PCDHA7: variants seen among roughly 807,000 people sequenced by gnomAD.
The protein encoded by PCDHA7 is protocadherin alpha 7.
In PCDHA7, 37 loss-of-function variants were observed where a neutral mutation model predicts 57.2. The observed-to-expected ratio is 0.65, with a 90% CI of 0.50 to 0.85. The LOEUF (loss-of-function observed/expected upper bound fraction) is 0.85. PCDHA7 is among the 40% of genes least tolerant of loss of function. The pLI is 0.00. For missense variants in PCDHA7, 1,188 were observed against 1,241.8 expected (o/e 0.96, Z 0.65); for synonymous variants, 553 against 558.8 (o/e 0.99, Z 0.15).
chr5:140,983,308 T>C (rs2153831139), intron 3 of PCDHA7, among the ~76,000 whole-genome samples: 1 of 152,322 alleles, frequency 6.6e-6, no homozygotes, highest in East Asian at 1.9e-4. Context: ...CACATTTGCT[T>C]GGTATCCTTA....
intron 1 of PCDHA7, chr5:140,855,836 AC>A (rs1444767908): frequency 1.7e-6 from 1 of 600,200 alleles, no homozygotes; most frequent in Non-Finnish European, 2.9e-6. Flanking sequence ...AATCGTACTT[AC>A]ACCTAAAGCC....
At chr5:140,903,470 C>T (rs1425928113) in intron 1 of PCDHA7, among the ~76,000 whole-genome samples, 2 of 152,140 alleles carry the variant, frequency 1.3e-5, no homozygotes, top group Non-Finnish European at 2.9e-5. Context: ...AATATTATTC[C>T]TTGCATTATA....
At chr5:140,845,675 A>G (rs2150380480) in intron 1 of PCDHA7, among the ~76,000 whole-genome samples, 6 of 149,762 alleles carry the variant, frequency 4.0e-5, no homozygotes, top group African/African-American at 7.3e-5. Context: ...AGCCATTGGT[A>G]AAGGATTTGT....
chr5:140,946,629 T>TATATATATATATATATATATAC (rs1367833800), intron 1 of PCDHA7, among the ~76,000 whole-genome samples: 1 of 123,274 alleles, frequency 8.1e-6, no homozygotes, highest in African/African-American at 3.0e-5. Context: ...TATATATATA[T>TATATATATATATATATATATAC]ATACAATGGA....
At position 140,834,553 on chromosome 5, in the gene PCDHA7, C is replaced by T. The variant is rs2150220861; in HGVS notation, c.170C>T (p.Ala57Val). 1.2e-5 allele frequency: 19 copies of T among 1,614,022 alleles called. No individual in the cohort carries two copies. Among genetic ancestry groups the T allele is most frequent in the Non-Finnish European group, 1.6e-5 (19 of 1,180,018 alleles). The change falls in exon 1 of 4, where the codon GCG becomes GTG. Residue 57 changes from alanine to valine, a missense_variant. Physicochemically the swap from Ala to Val is moderately conservative, Grantham distance 64. Transcript: ENST00000525929. ...GCGCAGGACCTGGGGCTGGAGCTGG[C>T]GGAGCTGGTGCCGCGCCTGTTCCGG... ...RIAQDLGLEL[A>V]ELVPRLFRAV...
chr5:140,869,555 G>A, intron 1 of PCDHA7: 1 of 1,614,172 alleles, frequency 6.2e-7, no homozygotes, highest in Non-Finnish European at 8.5e-7. Flanking sequence ...TCGGACTCGC[G>A]TTTTCCACTA....
intron 3 of PCDHA7, among the ~76,000 whole-genome samples, chr5:141,004,848 CAG>C (rs1554259777): frequency 6.6e-6 from 1 of 152,190 alleles, no homozygotes; most frequent in Non-Finnish European, 1.5e-5. Context: ...TCATTAGTCT[CAG>C]AGAAAAAATT....
At chr5:140,996,226 G>C (rs2097717630) in intron 3 of PCDHA7, among the ~76,000 whole-genome samples, 1 of 152,196 alleles carries the variant, frequency 6.6e-6, no homozygotes, top group South Asian at 2.1e-4. Context: ...GTCTAGAAAT[G>C]GTTGCTCAAG....
chr5:140,870,237 A>C, intron 1 of PCDHA7: 1 of 1,614,180 alleles, frequency 6.2e-7, no homozygotes, highest in South Asian at 1.1e-5. Flanking sequence ...ACCGTGACTC[A>C]GGTGTCAACG....
intron 1 of PCDHA7, chr5:140,857,589 G>T (rs1554150286): frequency 6.3e-7 from 1 of 1,596,564 alleles, no homozygotes; most frequent in Non-Finnish European, 8.6e-7. Flanking sequence ...GCGGAGAGCG[G>T]CAAGGTGTAC....
chr5:140,909,164 A>T (rs2074347084), intron 1 of PCDHA7, among the ~76,000 whole-genome samples: 1 of 152,238 alleles, frequency 6.6e-6, no homozygotes, highest in South Asian at 2.1e-4. Context: ...AGGGAAAATC[A>T]ATCAAGTTCT....
chr5:140,854,758 C>T (rs2150321610), intron 1 of PCDHA7: 1 of 149,590 alleles, frequency 6.7e-6, no homozygotes, highest in South Asian at 2.1e-4. Context: ...ATTACATTTT[C>T]ATTCCTGAAT....
At chr5:140,896,398 A>T (rs1322743669) in intron 1 of PCDHA7, among the ~76,000 whole-genome samples, 3 of 151,946 alleles carry the variant, frequency 2.0e-5, no homozygotes, top group African/African-American at 7.3e-5. Context: ...AGCATCTGTT[A>T]TTTTTGACTT....
At chr5:140,850,240 T>A (rs2041453726) in intron 1 of PCDHA7, 1 of 1,593,332 alleles carries the variant, frequency 6.3e-7, no homozygotes, top group Non-Finnish European at 8.6e-7. Context: ...GAGATGGTGC[T>A]GCGGTCGGTG....
At chr5:140,914,964 T>A (rs1328203928) in intron 1 of PCDHA7, among the ~76,000 whole-genome samples, 18 of 131,662 alleles carry the variant, frequency 1.4e-4, no homozygotes, top group Non-Finnish European at 3.0e-4. Context: ...TTTTTTTTTC[T>A]GAGTCAGAGT....
intron 1 of PCDHA7, among the ~76,000 whole-genome samples, chr5:140,914,944 CT>C (rs35695909): frequency 0.29 from 37,051 of 128,010 alleles, 4,894 homozygotes; most frequent in East Asian, 0.5. Flanking sequence ...GAAAAGTTGT[CT>C]TTTTTTTTTT....
At chr5:140,901,340 T>G (rs1306421981) in intron 1 of PCDHA7, among the ~76,000 whole-genome samples, 1 of 152,206 alleles carries the variant, frequency 6.6e-6, no homozygotes, top group Non-Finnish European at 1.5e-5. Context: ...CGTTTTATAG[T>G]TTGATGTCTT....
At chr5:140,951,948 A>G (rs2153694438) in intron 1 of PCDHA7, among the ~76,000 whole-genome samples, 1 of 152,322 alleles carries the variant, frequency 6.6e-6, no homozygotes, top group South Asian at 2.1e-4. Context: ...GTGCGGGTAC[A>G]GGCATTGGGT....
chr5:140,869,361 G>T, intron 1 of PCDHA7: 1 of 1,614,146 alleles, frequency 6.2e-7, no homozygotes, highest in Non-Finnish European at 8.5e-7. Context: ...TTTTGTTTGT[G>T]AATTCTCGGA....
Sources: gnomAD v4.1 joint callset for allele counts (sites outside exome capture counted in the v4.1 genomes callset) on GRCh38, gnomAD v4.1.1 for gene constraint, MANE v1.5 for transcripts, NCBI Gene and HGNC (gene_info 2026-07-23, HGNC 2026-07-21) for gene names.